Variants in RNF180 observed in about 807,000 individuals in gnomAD.
RNF180 encodes the protein E3 ubiquitin-protein ligase RNF180.
In RNF180, 38 loss-of-function variants were observed where a neutral mutation model predicts 59.2. The ratio of observed to expected loss-of-function variants is 0.64; its 90% CI spans 0.50 to 0.84. The LOEUF is 0.84. Among genes scored for constraint, RNF180 ranks in the 40% least tolerant of loss-of-function variants. The pLI is 0.00. For missense variants in RNF180, 705 were observed against 700.9 expected (o/e 1.01, Z -0.07); for synonymous variants, 262 against 240.3 (o/e 1.09, Z -0.84).
intron 5 of RNF180, among the ~76,000 whole-genome samples, chr5:64,317,043 A>G (rs1439885923): frequency 6.6e-6 from 1 of 152,230 alleles, no homozygotes; most frequent in African/African-American, 2.4e-5. Context: ...TTGATGGCAG[A>G]TGCAGAACCT....
At chr5:64,181,279 C>CAATACTTT (rs1263702755) in intron 1 of RNF180, among the ~76,000 whole-genome samples, 6 of 152,192 alleles carry the variant, frequency 3.9e-5, no homozygotes, top group African/African-American at 1.4e-4. Context: ...CACCCAGGAA[C>CAATACTTT]AATACTTTGC....
intron 6 of RNF180, among the ~76,000 whole-genome samples, chr5:64,325,713 T>C (rs16892632): frequency 0.049 from 7,440 of 152,270 alleles, 605 homozygotes; most frequent in African/African-American, 0.16. Flanking sequence ...TGTTGATTAT[T>C]TATTCCTCAT....
chr5:64,190,278 T>C (rs1751075618), intron 1 of RNF180, among the ~76,000 whole-genome samples: 2 of 152,214 alleles, frequency 1.3e-5, no homozygotes, highest in Admixed American at 6.5e-5. Flanking sequence ...CATCCCTTTC[T>C]TTGTTCTGAT....
chr5:64,287,695 A>G (rs1055595718), intron 5 of RNF180, among the ~76,000 whole-genome samples: 2 of 151,852 alleles, frequency 1.3e-5, no homozygotes, highest in Non-Finnish European at 2.9e-5. Flanking sequence ...TTTTTTTCAT[A>G]TGTTTGTTGG....
chr5:64,347,978 C>G (rs1325708183), intron 7 of RNF180, among the ~76,000 whole-genome samples: 1 of 152,038 alleles, frequency 6.6e-6, no homozygotes, highest in Admixed American at 6.6e-5. Context: ...ATAGATACCA[C>G]TATTTTGTGA....
In RNF180 at chr5:64,187,357, T is replaced by C. The variant is rs180706286; in HGVS notation, c.1-13451T>C. Among the ~76,000 whole-genome samples the C allele has an allele frequency of 3.0e-3, 454 of 152,118 alleles. 2 individuals carry two copies. The highest frequency in any genetic ancestry group is 4.7e-3 in the Non-Finnish European group (322 of 67,970). On this transcript the variant is annotated intron_variant, in intron 1 of 7. Coordinates refer to ENST00000389100, the MANE Select transcript of RNF180 (RefSeq NM_001113561.2). The stretch of plus-strand genomic sequence containing the variant: ...CCTAACTCAACAAACCCAGAGAAGG[T>C]AGAAGAAAAGTAGAAATAAGGAAGG...
At chr5:64,201,587 G>A (rs995873682) in intron 2 of RNF180, among the ~76,000 whole-genome samples, 1 of 152,100 alleles carries the variant, frequency 6.6e-6, no homozygotes, top group Non-Finnish European at 1.5e-5. Context: ...GTTTTCTTCC[G>A]CTTCTTTGGG....
intron 1 of RNF180, among the ~76,000 whole-genome samples, chr5:64,180,935 C>T (rs567865795): frequency 6.6e-6 from 1 of 152,232 alleles, no homozygotes; most frequent in East Asian, 1.9e-4. Flanking sequence ...AAGTCTGGAT[C>T]CCAAAACCTC....
intron 1 of RNF180, among the ~76,000 whole-genome samples, chr5:64,189,432 A>G (rs1053667484): frequency 6.6e-6 from 1 of 152,146 alleles, no homozygotes; most frequent in Admixed American, 6.5e-5. Context: ...GGACTGTGTT[A>G]TGGGAAATTG....
chr5:64,358,748 G>A (rs528785157), intron 7 of RNF180, among the ~76,000 whole-genome samples: 14 of 150,548 alleles, frequency 9.3e-5, no homozygotes, highest in East Asian at 2.0e-4. Context: ...CCACTAACTC[G>A]TCATCTAGCA....
chr5:64,217,029 A>G (rs991045015), intron 4 of RNF180, among the ~76,000 whole-genome samples: 30 of 152,116 alleles, frequency 2.0e-4, no homozygotes, highest in African/African-American at 6.8e-4. Context: ...AAAACCACTG[A>G]TGTGTTCTCC....
intron 5 of RNF180, among the ~76,000 whole-genome samples, chr5:64,244,660 A>C (rs1291515456): frequency 6.6e-6 from 1 of 152,200 alleles, no homozygotes; most frequent in Non-Finnish European, 1.5e-5. Context: ...GTTGAAAAAC[A>C]CTCTTCAAGA....
At chr5:64,178,112 G>A (rs771410770) in intron 1 of RNF180, among the ~76,000 whole-genome samples, 3 of 151,632 alleles carry the variant, frequency 2.0e-5, no homozygotes, top group Non-Finnish European at 4.4e-5. Flanking sequence ...GCTGAGGCAG[G>A]AGAATTGCTT....
At chr5:64,216,313 A>G (rs2112131129) in intron 4 of RNF180, among the ~76,000 whole-genome samples, 1 of 152,306 alleles carries the variant, frequency 6.6e-6, no homozygotes, top group East Asian at 1.9e-4. Context: ...AATCCTAGAA[A>G]GAGTAAATAT....
intron 7 of RNF180, among the ~76,000 whole-genome samples, chr5:64,335,075 T>A (rs1217694018): frequency 6.6e-6 from 1 of 152,222 alleles, no homozygotes; most frequent in Non-Finnish European, 1.5e-5. Flanking sequence ...AAATGATATC[T>A]CATTGGGGTT....
chr5:64,196,886 A>G (rs575167700), intron 1 of RNF180, among the ~76,000 whole-genome samples: 1 of 152,128 alleles, frequency 6.6e-6, no homozygotes, highest in Non-Finnish European at 1.5e-5. Flanking sequence ...ATTTATGCTT[A>G]TATCCCCCCT....
Position 64,369,672 on chromosome 5 carries a change from G to A in RNF180, c.1637G>A (p.Arg546Lys). 1.9e-6 allele frequency: 3 copies of A among 1,546,978 alleles called. No homozygotes were observed. The highest frequency in any genetic ancestry group is 2.5e-5 in the East Asian group (1 of 40,722). ...TRRQFPHGAH[R>K]MDYLHFEDDS... ...AGGCAGTTCCCACACGGTGCACACAGGATGGATTACCTGCACTTTGAGGAT... is the reference window on the plus strand; with the variant it reads ...AGGCAGTTCCCACACGGTGCACACAAGATGGATTACCTGCACTTTGAGGAT... The change falls in exon 8 of 8, where the codon AGG becomes AAG. Residue 546 changes from arginine to lysine, a missense_variant. Arg to Lys is a conservative substitution (Grantham distance 26). Transcript: ENST00000389100.
intron 7 of RNF180, among the ~76,000 whole-genome samples, chr5:64,342,773 C>T (rs1745404818): frequency 6.6e-6 from 1 of 152,048 alleles, no homozygotes; most frequent in Admixed American, 6.6e-5. Flanking sequence ...AGTAGGGAGT[C>T]CAGACCTGAA....
In RNF180 at chr5:64,165,870, C is replaced by T. The variant is rs537920058; in HGVS notation, c.-84C>T. ...ACCGGCATCGCCGCCGCCGGAGCCGCAGCGAGTCCTCAGAGCCTGGCTGCT... is the reference window on the plus strand; with the variant it reads ...ACCGGCATCGCCGCCGCCGGAGCCGTAGCGAGTCCTCAGAGCCTGGCTGCT... On this transcript the variant is annotated 5_prime_UTR_variant, in exon 1 of 8. Coordinates refer to ENST00000389100, the MANE Select transcript of RNF180 (RefSeq NM_001113561.2). 358 of 152,306 alleles carry T rather than the reference C, an allele frequency of 2.4e-3. 1 individual carries two copies. The highest frequency in any genetic ancestry group is 4.3e-3 in the Non-Finnish European group (295 of 68,126). 9.4% of individuals were successfully genotyped at this position (152,306 alleles called of 1,614,324 possible).
Sources: allele counts gnomAD v4.1 joint callset (sites outside exome capture counted in the v4.1 genomes callset), GRCh38; gene constraint gnomAD v4.1.1; transcripts MANE v1.5; gene names NCBI Gene and HGNC (gene_info 2026-07-23, HGNC 2026-07-21).